LDLRAD4: variants seen among roughly 807,000 people sequenced by gnomAD.
The protein encoded by LDLRAD4 is low-density lipoprotein receptor class A domain-containing protein 4.
A neutral mutation model predicts 17.0 loss-of-function variants in LDLRAD4; 5 were observed. The observed-to-expected ratio is 0.29, with a 90% confidence interval of 0.15 to 0.62. The LOEUF is 0.62. Among genes scored for constraint, LDLRAD4 ranks in the 20% least tolerant of loss-of-function variants. LDLRAD4 has a pLI of 0.84. For missense variants in LDLRAD4, 340 were observed against 424.7 expected (o/e 0.80, Z 1.75); for synonymous variants, 168 against 171.8 (o/e 0.98, Z 0.17).
intron 3 of LDLRAD4, among the ~76,000 whole-genome samples, chr18:13,584,829 T>C (rs945889725): frequency 6.6e-6 from 1 of 152,182 alleles, no homozygotes; most frequent in Admixed American, 6.5e-5. Flanking sequence ...CTTCAGGGCT[T>C]TCCTTCCAAA....
At chr18:13,410,384 A>T (rs1026206931) in intron 2 of LDLRAD4, among the ~76,000 whole-genome samples, 2 of 152,216 alleles carry the variant, frequency 1.3e-5, no homozygotes, top group Admixed American at 1.3e-4. Context: ...TGATGATTGC[A>T]CTGCAGCTGT....
rs539215330 is a variant in LDLRAD4 at position 13,374,513 on chromosome 18, C to T, written c.-382-12828C>T. Among the ~76,000 whole-genome samples, 8 of 152,356 alleles carry T rather than the reference C, an allele frequency of 5.3e-5. No homozygotes were observed. The East Asian group carries it at 1.2e-3, about 22-fold the overall frequency. On this transcript the variant is annotated intron_variant, in intron 1 of 5. Coordinates refer to ENST00000359446, the Ensembl canonical transcript of LDLRAD4. The stretch of plus-strand genomic sequence containing the variant: ...GGGCCCTGCCCCGGACCTGCTGAAC[C>T]GAATCTGCAGTCACCACATCCCCGG...
intron 3 of LDLRAD4, among the ~76,000 whole-genome samples, chr18:13,455,817 G>A (rs773769778): frequency 2.6e-5 from 4 of 152,202 alleles, no homozygotes; most frequent in African/African-American, 9.7e-5. Context: ...TCTTGGTGGT[G>A]CTAAGATAAA....
chr18:13,437,853 G>A (rs911033720), intron 2 of LDLRAD4, among the ~76,000 whole-genome samples: 5 of 152,312 alleles, frequency 3.3e-5, no homozygotes, highest in Non-Finnish European at 5.9e-5. Context: ...CTGGCTGCAC[G>A]GGCTCCCCCA....
intron 1 of LDLRAD4, among the ~76,000 whole-genome samples, chr18:13,320,190 C>T (rs2081142437): frequency 6.6e-6 from 1 of 152,224 alleles, no homozygotes; most frequent in Admixed American, 6.5e-5. Context: ...AGAGAGAATG[C>T]TGCGCCTCTG....
Position 13,350,105 on chromosome 18 carries a change from C to T in LDLRAD4, c.-382-37236C>T, listed in dbSNP as rs1160864945. ...GCTGCAATAAATATACAACATGTGT[C>T]TTTATAGTAGGATGATTTATATTTC... is the stretch of plus-strand genomic sequence containing the variant. On this transcript the variant is annotated intron_variant, in intron 1 of 5. Transcript: ENST00000359446. 2.0e-5 allele frequency among the ~76,000 whole-genome samples: 3 copies of T among 152,136 alleles called. No homozygotes were observed. The South Asian group carries it at 6.2e-4, about 32-fold the overall frequency.
intron 3 of LDLRAD4, among the ~76,000 whole-genome samples, chr18:13,602,450 G>T (rs2095174043): frequency 6.6e-6 from 1 of 151,544 alleles, no homozygotes; most frequent in African/African-American, 2.4e-5. Context: ...GTGGTGGGAT[G>T]GGGGGAATTT....
At chr18:13,480,437 A>C (rs931294789) in intron 3 of LDLRAD4, among the ~76,000 whole-genome samples, 2 of 152,152 alleles carry the variant, frequency 1.3e-5, no homozygotes, top group Admixed American at 6.5e-5. Context: ...GAGGAGCACA[A>C]AGGATTTTTA....
At chr18:13,291,869 A>G (rs1179281662) in intron 1 of LDLRAD4, among the ~76,000 whole-genome samples, 1 of 152,182 alleles carries the variant, frequency 6.6e-6, no homozygotes, top group African/African-American at 2.4e-5. Flanking sequence ...AGGTCCCAGC[A>G]TGGGGCGTTT....
chr18:13,220,501 T>G (rs538391258), intron 1 of LDLRAD4, among the ~76,000 whole-genome samples: 1 of 152,312 alleles, frequency 6.6e-6, no homozygotes, highest in East Asian at 1.9e-4. Flanking sequence ...GCCAGCTGCT[T>G]ATTAAGGGAT....
intron 3 of LDLRAD4, among the ~76,000 whole-genome samples, chr18:13,439,748 A>G (rs1331507445): frequency 6.6e-6 from 1 of 152,202 alleles, no homozygotes; most frequent in East Asian, 1.9e-4. Context: ...GCTGCAGGTC[A>G]GGATGGGGGA....
intron 1 of LDLRAD4, among the ~76,000 whole-genome samples, chr18:13,351,580 C>T (rs987889394): frequency 6.6e-6 from 1 of 151,984 alleles, no homozygotes; most frequent in Non-Finnish European, 1.5e-5. Flanking sequence ...TCGGTTGAAT[C>T]CCTGAATAGA....
intron 2 of LDLRAD4, among the ~76,000 whole-genome samples, chr18:13,417,676 C>T (rs548185476): frequency 3.9e-5 from 6 of 152,260 alleles, no homozygotes; most frequent in South Asian, 2.1e-4. Flanking sequence ...CCTAGTGATC[C>T]GCCCATCTCG....
chr18:13,540,412 C>T (rs949021723), intron 3 of LDLRAD4, among the ~76,000 whole-genome samples: 2 of 152,214 alleles, frequency 1.3e-5, no homozygotes, highest in Admixed American at 6.5e-5. Flanking sequence ...TGCTGGGACT[C>T]ATATTTTTTT....
At position 13,438,446 on chromosome 18, in the gene LDLRAD4, G is replaced by A. The variant is rs1438056785; in HGVS notation, c.181+62G>A. ...TGTGGTTCTGAAACGGTTAGGAGGT[G>A]GGGTCACTGGGACATGGGAAGGAGG... On this transcript the variant is annotated intron_variant, in intron 3 of 5. Transcript: ENST00000359446. The A allele has an allele frequency of 6.7e-6, 9 of 1,344,076 alleles. No homozygotes were observed. The Admixed American group carries it at 1.1e-4, about 16-fold the overall frequency. 83.3% of individuals were successfully genotyped at this position (1,344,076 alleles called of 1,614,324 possible). A position where few individuals can be genotyped will look rare whatever the true frequency, so the allele number is the denominator to read the frequency against.
At chr18:13,320,279 A>C (rs556617637) in intron 1 of LDLRAD4, among the ~76,000 whole-genome samples, 1 of 152,348 alleles carries the variant, frequency 6.6e-6, no homozygotes, top group East Asian at 1.9e-4. Flanking sequence ...CATTAGTCGT[A>C]TTAGGTGACT....
chr18:13,399,175 T>G (rs2086949365), intron 2 of LDLRAD4, among the ~76,000 whole-genome samples: 1 of 151,452 alleles, frequency 6.6e-6, no homozygotes, highest in Non-Finnish European at 1.5e-5. Context: ...CCAGCCTGGG[T>G]GACAGAGTGA....
intron 1 of LDLRAD4, among the ~76,000 whole-genome samples, chr18:13,305,928 T>C (rs564935583): frequency 2.0e-4 from 31 of 152,252 alleles, no homozygotes; most frequent in African/African-American, 7.2e-4. Flanking sequence ...AAAGTCGTTA[T>C]ATGACAAAGC....
intron 1 of LDLRAD4, among the ~76,000 whole-genome samples, chr18:13,308,007 G>A (rs868525936): frequency 6.6e-6 from 1 of 152,148 alleles, no homozygotes; most frequent in South Asian, 2.1e-4. Context: ...GCCTGCTGCT[G>A]TCCACTCTGT....
Sources: allele counts gnomAD v4.1 joint callset (sites outside exome capture counted in the v4.1 genomes callset), GRCh38; gene constraint gnomAD v4.1.1; transcripts MANE v1.5; gene names NCBI Gene and HGNC (gene_info 2026-07-23, HGNC 2026-07-21).